Variants in PCDH15 observed in about 807,000 individuals in gnomAD.
PCDH15 encodes protocadherin related 15.
A neutral mutation model predicts 178.5 loss-of-function variants in PCDH15; 129 were observed. The observed-to-expected ratio is 0.72, with a 90% CI of 0.63 to 0.84. The LOEUF (loss-of-function observed/expected upper bound fraction) is 0.84, where lower values mean the gene tolerates loss of function less well. Among genes scored for constraint, PCDH15 ranks in the 40% least tolerant of loss-of-function variants. The probability of loss-of-function intolerance (pLI) is 0.00; values close to 1 mark genes in which losing one functional copy is unlikely to be tolerated. For synonymous variants in PCDH15, 800 were observed against 732.0 expected (o/e 1.09, Z -1.50); for missense variants, 2,230 against 2,099.9 (o/e 1.06, Z -1.21).
intron 11 of PCDH15, 33 bp from the exon 12 acceptor site, chr10:54,185,301 G>A: frequency 1.2e-6 from 2 of 1,611,872 alleles, no homozygotes; most frequent in South Asian, 1.1e-5. Flanking sequence ...TTCAAACGTT[G>A]AATAAATAAT....
At chr10:55,044,367 C>T (rs773331919) in intron 2 of PCDH15, among the ~76,000 whole-genome samples, 7 of 152,084 alleles carry the variant, frequency 4.6e-5, no homozygotes, top group Admixed American at 2.6e-4. Flanking sequence ...TTGGCAATAA[C>T]CTCCTAGTAT....
intron 3 of PCDH15, among the ~76,000 whole-genome samples, chr10:54,873,315 A>C (rs1260534284): frequency 6.6e-6 from 1 of 152,040 alleles, no homozygotes; most frequent in African/African-American, 2.4e-5. Flanking sequence ...TACCTAAATA[A>C]GGATTACCTT....
At chr10:54,787,634 T>G (rs2133502202) in intron 1 of PCDH15, among the ~76,000 whole-genome samples, 1 of 152,052 alleles carries the variant, frequency 6.6e-6, no homozygotes, top group Non-Finnish European at 1.5e-5. Context: ...ACTTTTCACC[T>G]TCCCTTCATG....
At chr10:54,664,060 T>C (rs2094532214) in intron 2 of PCDH15, 112 bp downstream of exon 2, 1 of 840,598 alleles carries the variant, frequency 1.2e-6, no homozygotes, top group African/African-American at 1.7e-5. Context: ...ACAGAGATAC[T>C]AACCTTTCAA....
intron 2 of PCDH15, among the ~76,000 whole-genome samples, chr10:54,906,118 A>G (rs556030338): frequency 6.6e-6 from 1 of 152,216 alleles, no homozygotes; most frequent in East Asian, 1.9e-4. Context: ...CATCTAAGCA[A>G]CAAGGGAGAT....
intron 2 of PCDH15, among the ~76,000 whole-genome samples, chr10:55,588,210 G>A (rs1439636372): frequency 1.3e-5 from 2 of 152,150 alleles, no homozygotes; most frequent in Admixed American, 1.3e-4. Flanking sequence ...CTATCTGGTA[G>A]ATATTTATGG....
intron 1 of PCDH15, among the ~76,000 whole-genome samples, chr10:55,278,926 C>A (rs1036937371): frequency 6.6e-6 from 1 of 152,154 alleles, no homozygotes; most frequent in African/African-American, 2.4e-5. Context: ...CACTCTAAAA[C>A]AGGCTGCTTC....
intron 2 of PCDH15, among the ~76,000 whole-genome samples, chr10:55,113,955 A>AT (rs1837570056): frequency 2.6e-5 from 4 of 151,738 alleles, no homozygotes; most frequent in Non-Finnish European, 4.4e-5. Flanking sequence ...TTTTATTTTT[A>AT]TTTTTTTGAG....
chr10:54,238,300 A>T (rs1390291784), intron 8 of PCDH15, among the ~76,000 whole-genome samples: 1 of 152,138 alleles, frequency 6.6e-6, no homozygotes, highest in Admixed American at 6.5e-5. Flanking sequence ...GCAAAAATGT[A>T]TAGTGATGGC....
At chr10:55,469,759 T>C (rs774990820) in intron 2 of PCDH15, among the ~76,000 whole-genome samples, 25 of 152,054 alleles carry the variant, frequency 1.6e-4, no homozygotes, top group Non-Finnish European at 7.4e-5. Flanking sequence ...CAGCTGTTTA[T>C]TATATTGCCA....
chr10:54,108,383 A>T (rs11004070), intron 15 of PCDH15, among the ~76,000 whole-genome samples: 7,214 of 152,232 alleles, frequency 0.047, 240 homozygotes, highest in Middle Eastern at 0.1. Context: ...GTTCTGTCAC[A>T]GCAGAAAGCA....
intron 21 of PCDH15, among the ~76,000 whole-genome samples, chr10:53,981,804 G>C (rs374515550): frequency 1.6e-4 from 24 of 151,464 alleles, no homozygotes; most frequent in South Asian, 6.3e-4. Flanking sequence ...GCAACAAAAG[G>C]CAAAATTGAC....
chr10:55,272,642 C>T (rs978136737), intron 1 of PCDH15, among the ~76,000 whole-genome samples: 2 of 152,000 alleles, frequency 1.3e-5, no homozygotes, highest in East Asian at 1.9e-4. Context: ...CCACCTCGGC[C>T]TCCCAAAGTA....
At chr10:55,552,615 TAC>T (rs1270123545) in intron 2 of PCDH15, among the ~76,000 whole-genome samples, 16 of 151,542 alleles carry the variant, frequency 1.1e-4, no homozygotes, top group Non-Finnish European at 1.5e-4. Flanking sequence ...TGAAAAAATA[TAC>T]AGTTGTTACA....
intron 2 of PCDH15, among the ~76,000 whole-genome samples, chr10:54,587,601 A>G (rs2091584601): frequency 6.6e-6 from 1 of 152,196 alleles, no homozygotes; most frequent in South Asian, 2.1e-4. Flanking sequence ...GCATCAAAGC[A>G]TAAAGTGATG....
At chr10:54,992,076 C>G (rs1035466023) in intron 2 of PCDH15, among the ~76,000 whole-genome samples, 2 of 151,886 alleles carry the variant, frequency 1.3e-5, no homozygotes, top group East Asian at 3.9e-4. Context: ...TAATATTTAA[C>G]TATATTTAAA....
At chr10:54,121,987 C>T (rs1307780667) in intron 15 of PCDH15, among the ~76,000 whole-genome samples, 1 of 126,982 alleles carries the variant, frequency 7.9e-6, no homozygotes, top group East Asian at 2.0e-4. Flanking sequence ...AATATCTAAA[C>T]CGGGCAAAGA....
chr10:55,351,790 A>G (rs1255073669), intron 2 of PCDH15, among the ~76,000 whole-genome samples: 1 of 152,152 alleles, frequency 6.6e-6, no homozygotes, highest in Non-Finnish European at 1.5e-5. Context: ...ATAATGTTAA[A>G]GTTGCTTTCA....
At chr10:54,919,184 G>A (rs565348013) in intron 2 of PCDH15, among the ~76,000 whole-genome samples, 1 of 151,636 alleles carries the variant, frequency 6.6e-6, no homozygotes, top group African/African-American at 2.4e-5. Context: ...CTCTTTTTTT[G>A]GATTCCATTC....
Sources: allele counts gnomAD v4.1 joint callset (sites outside exome capture counted in the v4.1 genomes callset), GRCh38; gene constraint gnomAD v4.1.1; transcripts MANE v1.5; gene names NCBI Gene and HGNC (gene_info 2026-07-23, HGNC 2026-07-21).